Variants in MMS22L observed in about 807,000 individuals in gnomAD.
MMS22L encodes protein MMS22-like.
Under a neutral mutation model 159.1 loss-of-function variants are expected in MMS22L, and 74 were observed. The ratio of observed to expected loss-of-function variants is 0.47; its 90% CI spans 0.39 to 0.56. The LOEUF (loss-of-function observed/expected upper bound fraction) is 0.56, where lower values mean the gene tolerates loss of function less well. Ranked by LOEUF, MMS22L falls within the 20% of genes least tolerant of loss-of-function variation. The probability of loss-of-function intolerance (pLI) is 0.00; values close to 1 mark genes in which losing one functional copy is unlikely to be tolerated. For synonymous variants in MMS22L, 517 were observed against 506.9 expected (o/e 1.02, Z -0.27); for missense variants, 1,351 against 1,422.1 (o/e 0.95, Z 0.80).
chr6:97,199,639 G>A (rs1582581519), intron 14 of MMS22L, among the ~76,000 whole-genome samples: 1 of 151,080 alleles, frequency 6.6e-6, no homozygotes, highest in East Asian at 1.9e-4. Context: ...AGAAACTAGT[G>A]ACCATTGCCA....
chr6:97,171,531 A>C (rs1803546629), intron 19 of MMS22L, among the ~76,000 whole-genome samples: 1 of 152,178 alleles, frequency 6.6e-6, no homozygotes, highest in African/African-American at 2.4e-5. Flanking sequence ...TGAGAAAAAC[A>C]AAACAAAACA....
At chr6:97,251,760 A>C (rs1309312335) in intron 10 of MMS22L, among the ~76,000 whole-genome samples, 1 of 152,206 alleles carries the variant, frequency 6.6e-6, no homozygotes, top group Non-Finnish European at 1.5e-5. Flanking sequence ...TAATAAAAGC[A>C]ATAATCTCCT....
chr6:97,208,322 G>A (rs1392959221), intron 14 of MMS22L, among the ~76,000 whole-genome samples: 1 of 151,968 alleles, frequency 6.6e-6, no homozygotes, highest in East Asian at 1.9e-4. Flanking sequence ...CAATTCATTG[G>A]GCATATTACT....
intron 14 of MMS22L, among the ~76,000 whole-genome samples, chr6:97,213,825 C>T (rs900695188): frequency 6.6e-6 from 1 of 152,068 alleles, no homozygotes; most frequent in Non-Finnish European, 1.5e-5. Flanking sequence ...AGAAAAAATA[C>T]TAATACTGGA....
rs903171505 is a variant in MMS22L at position 97,186,528 on chromosome 6, C to T, written c.2202G>A (p.Val734=). ...CTGCATCCGCAAGTTGTGAGAAAGG[C>T]ACTACCTGTGACATTCTCTGACTCT... ...FLKSQRMSQV[V]PFSQLADAAA... The change falls in exon 15 of 25, where the codon GTG becomes GTA. Residue 734 remains valine, a synonymous_variant. Transcript: ENST00000683635. The T allele has an allele frequency of 1.2e-6, 2 of 1,612,660 alleles. No homozygotes were observed. The highest frequency in any genetic ancestry group is 2.7e-5 in the African/African-American group (2 of 74,890).
chr6:97,243,465 G>C (rs1410753198), intron 11 of MMS22L, among the ~76,000 whole-genome samples: 1 of 151,804 alleles, frequency 6.6e-6, no homozygotes, highest in East Asian at 1.9e-4. Flanking sequence ...TATTTCTCTG[G>C]AGATCTTTTC....
chr6:97,261,162 T>C (rs1189719637), intron 9 of MMS22L: 2 of 152,256 alleles, frequency 1.3e-5, no homozygotes, highest in East Asian at 1.9e-4. Flanking sequence ...TTTCTCAGAC[T>C]GCCCTGCCTT....
At chr6:97,186,006 T>A (rs951442951) in intron 15 of MMS22L, among the ~76,000 whole-genome samples, 9 of 152,184 alleles carry the variant, frequency 5.9e-5, no homozygotes, top group Middle Eastern at 3.4e-3. Context: ...AGGTTAATAA[T>A]CAAATTAAGT....
intron 16 of MMS22L, 104 bp from the exon 17 acceptor site, chr6:97,179,663 C>G (rs1804502436): frequency 3.0e-6 from 3 of 994,032 alleles, no homozygotes; most frequent in Non-Finnish European, 2.7e-6. Context: ...ACTCCTTGGC[C>G]TCATTGATTT....
chr6:97,145,776 T>C lies in MMS22L; in HGVS notation c.*1030A>G, dbSNP rs913896052. 13 of 152,152 alleles carry C rather than the reference T, an allele frequency of 8.5e-5. No individual in the cohort carries two copies. The highest frequency in any genetic ancestry group is 2.9e-4 in the African/African-American group (12 of 41,440). The allele number at this position is 152,152 out of a possible 1,614,324, so 9.4% of individuals were successfully genotyped here. A position where few individuals can be genotyped will look rare whatever the true frequency, so the allele number is the denominator to read the frequency against. The stretch of plus-strand genomic sequence containing the variant: ...CTAGCTCAAGATCATAAAGCAAAGC[T>C]GAGTTTGAGACCCAGGTGGGTTCCC... On this transcript the variant is annotated 3_prime_UTR_variant, in exon 25 of 25. Coordinates refer to ENST00000683635, the MANE Select transcript of MMS22L (RefSeq NM_001350599.2).
At chr6:97,167,966 A>G in intron 20 of MMS22L, 105 bp downstream of exon 20, 1 of 961,550 alleles carries the variant, frequency 1.0e-6, no homozygotes, top group Non-Finnish European at 1.5e-6. Flanking sequence ...CAAGCATTTG[A>G]GATTATAATG....
chr6:97,199,704 T>G (rs758522467), intron 14 of MMS22L, among the ~76,000 whole-genome samples: 1 of 152,040 alleles, frequency 6.6e-6, no homozygotes, highest in Non-Finnish European at 1.5e-5. Context: ...GACTTGTTTT[T>G]TTTTTTCTTT....
At position 97,272,852 on chromosome 6, in the gene MMS22L, T is replaced by C. The variant is rs1815884163; in HGVS notation, c.458A>G (p.His153Arg). 1 of 1,613,668 alleles carries C rather than the reference T, an allele frequency of 6.2e-7. No homozygotes were observed. The highest frequency in any genetic ancestry group is 8.5e-7 in the Non-Finnish European group (1 of 1,179,900). ...AGCCTCATAAGGATGGACAGGAACA[T>C]GACTCTCAGCATTCTGTACTTTCAG... is the stretch of plus-strand genomic sequence containing the variant. ...RYLKVQNAESHVPVHPYEALE... is the reference protein window; with the variant it reads ...RYLKVQNAESRVPVHPYEALE... Residue 153 changes from histidine to arginine, a missense_variant, in exon 6 of 25, where the codon CAT becomes CGT. His to Arg is a conservative substitution (Grantham distance 29). Transcript: ENST00000683635.
chr6:97,161,140 TTTGGTGAAAA>T (rs963598703), intron 22 of MMS22L, among the ~76,000 whole-genome samples: 11 of 152,080 alleles, frequency 7.2e-5, no homozygotes, highest in Admixed American at 7.2e-4. Context: ...CCTGTAATTT[TTTGGTGAAAA>T]TTGGGCTTTT....
In MMS22L at chr6:97,231,639, C is replaced by T. The variant is rs751405022; in HGVS notation, c.1316G>A (p.Ser439Asn). Residue 439 changes from serine to asparagine, a missense_variant, in exon 13 of 25, where the codon AGT (serine) becomes AAT (asparagine). Ser to Asn is a conservative substitution (Grantham distance 46). Coordinates refer to ENST00000683635, the MANE Select transcript of MMS22L (RefSeq NM_001350599.2). ...YYSKNLNSSF[S>N]ISWLPFKGLA... ...GCCTTTAAAAGGAAGCCAAGAAATA[C>T]TGAAGGAACTATTCTAAAAGGGGGG... The T allele has an allele frequency of 2.5e-6, 4 of 1,602,178 alleles. No homozygotes were observed. Among genetic ancestry groups the T allele is most frequent in the African/African-American group, 2.7e-5 (2 of 73,250 alleles).
Position 97,173,045 on chromosome 6 carries a change from A to T in MMS22L, c.2839+18T>A. On this transcript the variant is annotated intron_variant, in intron 19 of 24. Transcript: ENST00000683635. ...CCTAAGGAAATGTTACTAGCAAAAT[A>T]ATGCCAGGAATACATACCCATCATT... is the stretch of plus-strand genomic sequence containing the variant. The T allele has an allele frequency of 6.2e-7, 1 of 1,601,302 alleles. No individual in the cohort carries two copies. Among genetic ancestry groups the T allele is most frequent in the South Asian group, 1.1e-5 (1 of 88,338 alleles).
intron 22 of MMS22L, among the ~76,000 whole-genome samples, chr6:97,152,185 A>G (rs566858892): frequency 5.9e-5 from 9 of 152,258 alleles, no homozygotes; most frequent in Admixed American, 5.9e-4. Flanking sequence ...TAACATACCG[A>G]CAAAAGAAAG....
At chr6:97,279,211 T>C (rs755959297) in intron 3 of MMS22L, among the ~76,000 whole-genome samples, 34 of 152,146 alleles carry the variant, frequency 2.2e-4, no homozygotes, top group Non-Finnish European at 4.3e-4. Context: ...CGGCCGGGTG[T>C]GGTGGCTCTT....
In MMS22L at chr6:97,181,947, G is replaced by A. The variant is rs752902328; in HGVS notation, c.2341C>T (p.Pro781Ser). Residue 781 changes from proline (P) to serine (S), a missense_variant, in exon 16 of 25, where the codon CCT becomes TCT. Physicochemically the swap from Pro to Ser is moderately conservative, Grantham distance 74. Transcript: ENST00000683635. ...QLFGWDDIIC[P>S]QVVARYLSHV... ...CTTAAATATCTTGCTACAACTTGAG[G>A]GCAGATGATATCATCCCAACCAAAA... is the stretch of plus-strand genomic sequence containing the variant. 8 of 1,613,234 alleles carry A rather than the reference G, an allele frequency of 5.0e-6. No individual in the cohort carries two copies. In the South Asian group the frequency reaches 7.7e-5, roughly 16 times the overall value.
Sources: allele counts gnomAD v4.1 joint callset (sites outside exome capture counted in the v4.1 genomes callset), GRCh38; gene constraint gnomAD v4.1.1; transcripts MANE v1.5; gene names NCBI Gene and HGNC (gene_info 2026-07-23, HGNC 2026-07-21).